Variants in NRXN1 observed in about 807,000 individuals in gnomAD.
The protein encoded by NRXN1 is neurexin 1, also known as neurexin-1.
NRXN1 carries 39 observed loss-of-function variants against 150.9 expected under a neutral mutation model. The ratio of observed to expected loss-of-function variants is 0.26; its 90% CI spans 0.20 to 0.34. The LOEUF is 0.34. Among genes scored for constraint, NRXN1 ranks in the 10% least tolerant of loss-of-function variants. The probability of loss-of-function intolerance (pLI) is 1.00; values close to 1 mark genes in which losing one functional copy is unlikely to be tolerated. For missense variants in NRXN1, 1,815 were observed against 1,949.9 expected, an observed-to-expected ratio of 0.93 and a Z score of 1.30; for synonymous variants, 924 against 757.0, an observed-to-expected ratio of 1.22 and a Z score of -3.62.
At chr2:50,663,174 C>T (rs1036404246) in intron 5 of NRXN1, among the ~76,000 whole-genome samples, 6 of 152,026 alleles carry the variant, frequency 3.9e-5, no homozygotes, top group Non-Finnish European at 7.4e-5. Context: ...TCATCATGTC[C>T]TTTTGCTCAT....
At chr2:49,950,554 T>C (rs1240608012) in intron 21 of NRXN1, among the ~76,000 whole-genome samples, 2 of 151,982 alleles carry the variant, frequency 1.3e-5, no homozygotes, top group African/African-American at 4.8e-5. Flanking sequence ...GGTTCCGATA[T>C]GCAAATAATT....
At chr2:50,537,397 G>A (rs1170261158) in intron 10 of NRXN1, among the ~76,000 whole-genome samples, 1 of 152,072 alleles carries the variant, frequency 6.6e-6, no homozygotes, top group African/African-American at 2.4e-5. Context: ...TGAAACACTG[G>A]GTCGATGGAA....
At chr2:50,995,501 A>C (rs1257961321) in intron 2 of NRXN1, among the ~76,000 whole-genome samples, 1 of 151,394 alleles carries the variant, frequency 6.6e-6, no homozygotes, top group Non-Finnish European at 1.5e-5. Flanking sequence ...ACTACTGTGG[A>C]GCCTGAGGCA....
chr2:50,534,744 T>A (rs965035051), intron 10 of NRXN1, among the ~76,000 whole-genome samples: 2 of 152,330 alleles, frequency 1.3e-5, no homozygotes, highest in East Asian at 3.9e-4. Flanking sequence ...TTCTCTTCTT[T>A]ATTTAATCTC....
At chr2:49,989,650 A>C (rs1177969970) in intron 21 of NRXN1, among the ~76,000 whole-genome samples, 1 of 152,150 alleles carries the variant, frequency 6.6e-6, no homozygotes, top group Non-Finnish European at 1.5e-5. Context: ...GATTCTGGGG[A>C]GGGTTTAAGA....
chr2:50,863,996 A>T (rs1676513640), intron 5 of NRXN1, among the ~76,000 whole-genome samples: 1 of 151,954 alleles, frequency 6.6e-6, no homozygotes, highest in Non-Finnish European at 1.5e-5. Context: ...GGTGTAGAGG[A>T]CACCTGGATA....
At position 50,927,253 on chromosome 2, in the gene NRXN1, T is replaced by C. The variant is rs939371792; in HGVS notation, c.773-1298A>G. Among the ~76,000 whole-genome samples the C allele has an allele frequency of 2.0e-5, 3 of 152,042 alleles. No individual in the cohort carries two copies. In the East Asian group the frequency reaches 5.8e-4, roughly 29 times the overall value. Reference sequence around the variant, plus strand: ...TTAATTGGATAAAGTTACTAGTGAATTAAAAATCAACAATTTTGTTTAAAA... The same window carrying C: ...TTAATTGGATAAAGTTACTAGTGAACTAAAAATCAACAATTTTGTTTAAAA... On this transcript the variant is annotated intron_variant, in intron 2 of 22. Transcript: ENST00000401669.
chr2:50,270,602 G>T (rs1175105412), intron 17 of NRXN1, among the ~76,000 whole-genome samples: 1 of 151,314 alleles, frequency 6.6e-6, no homozygotes, highest in African/African-American at 2.4e-5. Context: ...TATACACACA[G>T]TTTATCGACA....
intron 18 of NRXN1, among the ~76,000 whole-genome samples, chr2:50,174,477 C>A (rs41381448): frequency 6.6e-6 from 1 of 152,180 alleles, no homozygotes; most frequent in South Asian, 2.1e-4. Context: ...CTATTAAAAA[C>A]CAAGTAAGGA....
rs1573206971 is a variant in NRXN1 at position 50,487,594 on chromosome 2, T to C, written c.3070+8311A>G. 3.9e-5 allele frequency among the ~76,000 whole-genome samples: 6 copies of C among 152,336 alleles called. No homozygotes were observed. The South Asian group carries it at 1.2e-3, about 32-fold the overall frequency. ...CTACCGTGGGAGCAGCAACTTTGTT[T>C]TAAGCCCACCCAACTTTCAAGTCTA... is the stretch of plus-strand genomic sequence containing the variant. On this transcript the variant is annotated intron_variant, in intron 15 of 22. Coordinates refer to ENST00000401669, the MANE Select transcript of NRXN1 (RefSeq NM_001330078.2).
At chr2:50,807,721 T>A (rs1007240423) in intron 5 of NRXN1, among the ~76,000 whole-genome samples, 2 of 152,176 alleles carry the variant, frequency 1.3e-5, no homozygotes, top group African/African-American at 2.4e-5. Context: ...CTTGGCGTTG[T>A]GTCACTACCC....
At chr2:50,140,849 A>C (rs1269789329) in intron 18 of NRXN1, among the ~76,000 whole-genome samples, 2 of 151,944 alleles carry the variant, frequency 1.3e-5, no homozygotes, top group African/African-American at 4.8e-5. Context: ...ATTGTGGTAA[A>C]CTATCTGAAA....
intron 8 of NRXN1, among the ~76,000 whole-genome samples, chr2:50,572,912 C>G (rs1358075646): frequency 6.6e-6 from 1 of 152,088 alleles, no homozygotes; most frequent in African/African-American, 2.4e-5. Context: ...TGAATTTGAG[C>G]AAGTATCTTT....
intron 5 of NRXN1, among the ~76,000 whole-genome samples, chr2:50,866,362 C>G (rs1035528855): frequency 6.6e-6 from 1 of 151,826 alleles, no homozygotes; most frequent in East Asian, 1.9e-4. Context: ...TACTATCTTA[C>G]GACAGCTTTT....
chr2:50,250,396 T>G (rs777492213), intron 17 of NRXN1, among the ~76,000 whole-genome samples: 173 of 152,080 alleles, frequency 1.1e-3, no homozygotes, highest in Non-Finnish European at 2.1e-3. Context: ...AGGAGTAGGT[T>G]GTAGATCCAC....
At chr2:50,124,903 C>T (rs577094481) in intron 18 of NRXN1, among the ~76,000 whole-genome samples, 4 of 152,058 alleles carry the variant, frequency 2.6e-5, no homozygotes, top group African/African-American at 7.2e-5. Flanking sequence ...GTTCTTTAGC[C>T]CCTTTGAGTT....
chr2:50,777,146 G>C (rs1246791036), intron 5 of NRXN1, among the ~76,000 whole-genome samples: 2 of 152,030 alleles, frequency 1.3e-5, no homozygotes, highest in Non-Finnish European at 2.9e-5. Flanking sequence ...GCTTTTTTAA[G>C]TACAGAGAGT....
At chr2:50,494,070 C>T (rs2091421666) in intron 15 of NRXN1, among the ~76,000 whole-genome samples, 1 of 152,116 alleles carries the variant, frequency 6.6e-6, no homozygotes, top group South Asian at 2.1e-4. Context: ...CTCCTATTAC[C>T]TTCACTTCCA....
At chr2:50,515,150 C>A (rs1319499853) in intron 12 of NRXN1, among the ~76,000 whole-genome samples, 2 of 152,172 alleles carry the variant, frequency 1.3e-5, no homozygotes, top group Admixed American at 6.5e-5. Flanking sequence ...GCAGTGACAA[C>A]CGATTCTCAC....
Sources: gnomAD v4.1 joint callset for allele counts (sites outside exome capture counted in the v4.1 genomes callset) on GRCh38, gnomAD v4.1.1 for gene constraint, MANE v1.5 for transcripts, NCBI Gene and HGNC (gene_info 2026-07-23, HGNC 2026-07-21) for gene names.